CCDC39: variants seen among roughly 807,000 people sequenced by gnomAD.
CCDC39 encodes the protein coiled-coil domain 39 molecular ruler complex subunit.
In CCDC39, 113 loss-of-function variants were observed where a neutral mutation model predicts 121.0. That is an observed-to-expected ratio of 0.93 (90% confidence interval 0.80 to 1.09). The LOEUF (loss-of-function observed/expected upper bound fraction) is 1.09. CCDC39 is among the 50% of genes least tolerant of loss of function. CCDC39 has a pLI of 0.00. For missense variants in CCDC39, 1,063 were observed against 1,074.7 expected (o/e 0.99, Z 0.15); for synonymous variants, 349 against 352.2 (o/e 0.99, Z 0.10).
At chr3:180,670,126 A>G (rs1276276190) in intron 1 of CCDC39, among the ~76,000 whole-genome samples, 2 of 152,188 alleles carry the variant, frequency 1.3e-5, no homozygotes, top group African/African-American at 2.4e-5. Flanking sequence ...GCAGAGGAAC[A>G]GTAAAGACCT....
chr3:180,616,385 A>G, intron 18 of CCDC39, 22 bp from the exon 19 acceptor site: 1 of 1,595,304 alleles, frequency 6.3e-7, no homozygotes, highest in Non-Finnish European at 8.6e-7. Flanking sequence ...TTCAATAGCA[A>G]TCATTAGTAC....
At chr3:180,617,012 C>T (rs755443127) in intron 16 of CCDC39, 46 bp from the exon 17 acceptor site, 3 of 1,000,760 alleles carry the variant, frequency 3.0e-6, no homozygotes, top group African/African-American at 3.4e-5. Flanking sequence ...CAGAAATTGA[C>T]TTTTATAACT....
chr3:180,620,639 T>C (rs984252916), intron 14 of CCDC39, among the ~76,000 whole-genome samples: 1 of 152,004 alleles, frequency 6.6e-6, no homozygotes, highest in African/African-American at 2.4e-5. Flanking sequence ...TATATATACA[T>C]ATATATGTGT....
intron 1 of CCDC39, among the ~76,000 whole-genome samples, chr3:180,665,484 TA>T (rs1711850756): frequency 6.6e-6 from 1 of 152,210 alleles, no homozygotes; most frequent in Non-Finnish European, 1.5e-5. Flanking sequence ...AAAAAAATAC[TA>T]ATTTACTCAT....
chr3:180,642,831 C>G (rs1717988259), intron 12 of CCDC39, among the ~76,000 whole-genome samples: 1 of 150,638 alleles, frequency 6.6e-6, no homozygotes, highest in South Asian at 2.1e-4. Context: ...CAAGAAGTTT[C>G]TAAGCATAAA....
intron 16 of CCDC39, chr3:180,617,650 A>G: frequency 4.9e-6 from 2 of 405,890 alleles, no homozygotes. Flanking sequence ...AAAAATGCTT[A>G]GAGAATAAGG....
chr3:180,627,051 G>A (rs548748094), intron 14 of CCDC39, among the ~76,000 whole-genome samples: 1 of 152,254 alleles, frequency 6.6e-6, no homozygotes, highest in South Asian at 2.1e-4. Flanking sequence ...CAGAGAGGTT[G>A]TGGTTCCTCT....
In CCDC39 at chr3:180,642,025, T is replaced by G; in HGVS notation, c.1842A>C (p.Ile614=). The G allele has an allele frequency of 6.2e-7, 1 of 1,602,612 alleles. No individual in the cohort carries two copies. Among genetic ancestry groups the G allele is most frequent in the Non-Finnish European group, 8.5e-7 (1 of 1,174,090 alleles). The change falls in exon 13 of 20, where the codon ATA becomes ATC. Residue 614 remains isoleucine, a synonymous_variant. Coordinates refer to ENST00000476379, the MANE Select transcript of CCDC39 (RefSeq NM_181426.2). Reference sequence around the variant, plus strand: ...TTTCCCGTTCTTGATCAACATATCTTATTTGTGACGCAAGCATTGTTTTAT... The same window carrying G: ...TTTCCCGTTCTTGATCAACATATCTGATTTGTGACGCAAGCATTGTTTTAT... The part of the protein sequence containing the change: ...KVHKTMLASQ[I]RYVDQERENI...
At position 180,642,209 on chromosome 3, in the gene CCDC39, C is replaced by T. The variant is rs747342645; in HGVS notation, c.1666-8G>A. 6 of 1,532,608 alleles carry T rather than the reference C, an allele frequency of 3.9e-6. No homozygotes were observed. The highest frequency in any genetic ancestry group is 2.6e-5 in the South Asian group (2 of 78,396). The allele number at this position is 1,532,608 out of a possible 1,614,324, so 94.9% of individuals were successfully genotyped here. On this transcript the variant is annotated splice_region_variant and splice_polypyrimidine_tract_variant and intron_variant, in intron 12 of 19. Coordinates refer to ENST00000476379, the MANE Select transcript of CCDC39 (RefSeq NM_181426.2). ...GTCCTCTATCATCAAATCCTATCAA[C>T]GTAACAAAATGGTCAAATATTGAAA...
chr3:180,623,422 G>A (rs553032886), intron 14 of CCDC39, among the ~76,000 whole-genome samples: 24 of 151,902 alleles, frequency 1.6e-4, no homozygotes, highest in African/African-American at 5.8e-4. Context: ...TTGATCATTT[G>A]TAAATTTTTT....
At chr3:180,673,162 T>C (rs1014290955) in intron 1 of CCDC39, among the ~76,000 whole-genome samples, 1 of 152,230 alleles carries the variant, frequency 6.6e-6, no homozygotes, top group Non-Finnish European at 1.5e-5. Context: ...GTGAACATTG[T>C]TGAAATTACA....
In CCDC39 at chr3:180,644,269, A is replaced by G. The variant is rs1718023669; in HGVS notation, c.1528-12T>C. 1.4e-6 allele frequency: 2 copies of G among 1,471,300 alleles called. No homozygotes were observed. The highest frequency in any genetic ancestry group is 1.4e-5 in the African/African-American group (1 of 70,310). 91.1% of individuals were successfully genotyped at this position (1,471,300 alleles called of 1,614,324 possible). A position where few individuals can be genotyped will look rare whatever the true frequency, so the allele number is the denominator to read the frequency against. On this transcript the variant is annotated splice_polypyrimidine_tract_variant and intron_variant, in intron 11 of 19. Transcript: ENST00000476379. The stretch of plus-strand genomic sequence containing the variant: ...AAATAAAGATCATTCTGCAAAAAAG[A>G]AAAAAGGTATATAAATGTATGTTTT...
intron 7 of CCDC39, among the ~76,000 whole-genome samples, chr3:180,653,381 C>T (rs1428099205): frequency 1.3e-5 from 2 of 152,214 alleles, no homozygotes; most frequent in Non-Finnish European, 2.9e-5. Context: ...TAAAGTTACT[C>T]ATTTTACCTT....
chr3:180,647,110 C>A lies in CCDC39; in HGVS notation c.1496G>T (p.Gly499Val), dbSNP rs1207940597. 7.5e-6 allele frequency: 12 copies of A among 1,608,614 alleles called. No individual in the cohort carries two copies. The highest frequency in any genetic ancestry group is 1.0e-5 in the Non-Finnish European group (12 of 1,178,292). ...KSLEEKKSTC[G>V]LLETQIKKLH... Reference sequence around the variant, plus strand: ...CTTCTTGATCTGTGTTTCCAAAAGGCCACATGTAGATTTTTTCTCTTCCAA... The same window carrying A: ...CTTCTTGATCTGTGTTTCCAAAAGGACACATGTAGATTTTTTCTCTTCCAA... The change falls in exon 11 of 20, where the codon GGC becomes GTC. Residue 499 changes from glycine (G) to valine (V), a missense_variant. By Grantham distance (109) the Gly-to-Val change is moderately radical (BLOSUM62 -3). Transcript: ENST00000476379.
intron 13 of CCDC39, among the ~76,000 whole-genome samples, chr3:180,636,305 C>T (rs906982767): frequency 6.6e-6 from 1 of 152,098 alleles, no homozygotes; most frequent in Non-Finnish European, 1.5e-5. Context: ...TCCTATACAC[C>T]AATAACAGCC....
intron 2 of CCDC39, among the ~76,000 whole-genome samples, chr3:180,663,401 T>C (rs886441361): frequency 1.3e-5 from 2 of 152,130 alleles, no homozygotes; most frequent in Non-Finnish European, 2.9e-5. Context: ...ATTAATTTTT[T>C]GGTTAAAATT....
In CCDC39 at chr3:180,677,154, TA is replaced by T. The variant is rs1712240205; in HGVS notation, c.90+2136del. Among the ~76,000 whole-genome samples, 9 of 88,352 alleles carry T rather than the reference TA, an allele frequency of 1.0e-4. 1 individual carries two copies. The highest frequency in any genetic ancestry group is 4.9e-4 in the African/African-American group (9 of 18,430). The allele number at this position is 88,352 out of a possible 152,430, so 58.0% of individuals were successfully genotyped here. ...AAAACTTAAAGTATTATAATAATAA[TA>T]ATAATAATAATTTTATATATATATA... On this transcript the variant is annotated intron_variant, in intron 1 of 19. Transcript: ENST00000476379.
rs114733227 is a variant in CCDC39, at chr3:180,641,904, G to C, written c.1874+89C>G. Reference sequence around the variant, plus strand: ...GCCATTTCGAATGAGTAAAAACGATGCACATCCGGGATGTTAGAGGGGGCA... The same window carrying C: ...GCCATTTCGAATGAGTAAAAACGATCCACATCCGGGATGTTAGAGGGGGCA... On this transcript the variant is annotated intron_variant, in intron 13 of 19. Transcript: ENST00000476379. 2.1e-3 allele frequency: 1,760 copies of C among 854,394 alleles called. 19 individuals carry two copies. The African/African-American group carries it at 0.028, about 14-fold the overall frequency. The allele number at this position is 854,394 out of a possible 1,614,324, so 52.9% of individuals were successfully genotyped here. A position where few individuals can be genotyped will look rare whatever the true frequency, so the allele number is the denominator to read the frequency against.
intron 1 of CCDC39, among the ~76,000 whole-genome samples, chr3:180,668,511 T>C (rs1007372134): frequency 6.6e-6 from 1 of 152,194 alleles, no homozygotes; most frequent in Admixed American, 6.5e-5. Context: ...CCTCATATTA[T>C]TCAGTTTGTA....
Sources: gnomAD v4.1 joint callset for allele counts (sites outside exome capture counted in the v4.1 genomes callset) on GRCh38, gnomAD v4.1.1 for gene constraint, MANE v1.5 for transcripts, NCBI Gene and HGNC (gene_info 2026-07-23, HGNC 2026-07-21) for gene names.